SGCZ: variants seen among roughly 807,000 people sequenced by gnomAD.
SGCZ encodes zeta-sarcoglycan.
In SGCZ, 40 loss-of-function variants were observed where a neutral mutation model predicts 41.3. The observed-to-expected ratio is 0.97, with a 90% CI of 0.75 to 1.26. SGCZ has a LOEUF of 1.26. Ranked by LOEUF, SGCZ falls within the 50% of genes most tolerant of loss-of-function variation. SGCZ has a pLI of 0.00. For missense variants in SGCZ, 552 were observed against 369.8 expected (o/e 1.49, Z -4.04); for synonymous variants, 206 against 137.5 (o/e 1.50, Z -3.49).
At chr8:15,153,162 G>T (rs573187541) in intron 1 of SGCZ, among the ~76,000 whole-genome samples, 75 of 152,272 alleles carry the variant, frequency 4.9e-4, no homozygotes, top group Non-Finnish European at 9.0e-4. Flanking sequence ...ATGTACAGGA[G>T]ATAAATGAAT....
chr8:14,321,420 C>A (rs185178493), intron 3 of SGCZ, among the ~76,000 whole-genome samples: 28 of 152,024 alleles, frequency 1.8e-4, no homozygotes, highest in African/African-American at 6.7e-4. Context: ...TAAAGTTGGC[C>A]CAGCCCATAG....
Position 14,554,917 on chromosome 8 carries a change from C to G in SGCZ, c.49G>C (p.Glu17Gln). 6.5e-7 allele frequency: 1 copy of G among 1,543,496 alleles called. No homozygotes were observed. Among genetic ancestry groups the G allele is most frequent in the Non-Finnish European group, 8.8e-7 (1 of 1,142,796 alleles). Residue 17 changes from glutamate to glutamine, a missense_variant, in exon 2 of 8, where the codon GAA becomes CAA. Coordinates refer to ENST00000382080, the MANE Select transcript of SGCZ (RefSeq NM_139167.4). ...LDIEELKMTR[E>Q]QYILATQQNN... ...TGTTGGGTTGCTAGTATGTATTGTT[C>G]TCGTGTCATCTGAAAAAGAAAAAAG... is the stretch of plus-strand genomic sequence containing the variant.
chr8:14,605,476 G>A (rs1230100891), intron 1 of SGCZ, among the ~76,000 whole-genome samples: 1 of 151,962 alleles, frequency 6.6e-6, no homozygotes, highest in East Asian at 1.9e-4. Context: ...TAGCCACCCT[G>A]TTATGCTATC....
At chr8:14,384,555 C>CTTTA (rs140187937) in intron 2 of SGCZ, among the ~76,000 whole-genome samples, 3 of 151,954 alleles carry the variant, frequency 2.0e-5, no homozygotes, top group East Asian at 1.9e-4. Flanking sequence ...ATTATGATTA[C>CTTTA]TTTATTTATT....
intron 1 of SGCZ, among the ~76,000 whole-genome samples, chr8:14,886,031 ATAT>A (rs1563339254): frequency 7.6e-5 from 8 of 105,190 alleles, no homozygotes; most frequent in African/African-American, 1.8e-4. Flanking sequence ...ATATATATAT[ATAT>A]AAAATTGTAT....
At chr8:15,155,283 A>C (rs1264484882) in intron 1 of SGCZ, among the ~76,000 whole-genome samples, 1 of 152,172 alleles carries the variant, frequency 6.6e-6, no homozygotes, top group South Asian at 2.1e-4. Context: ...TGACAGACCC[A>C]GACCCTGTCT....
intron 2 of SGCZ, among the ~76,000 whole-genome samples, chr8:14,515,882 G>C (rs1365140471): frequency 2.0e-5 from 3 of 151,966 alleles, no homozygotes; most frequent in Admixed American, 6.6e-5. Flanking sequence ...GAATGATTTT[G>C]AGTATATTTC....
intron 1 of SGCZ, among the ~76,000 whole-genome samples, chr8:14,781,233 C>T (rs1158358189): frequency 6.6e-6 from 1 of 152,066 alleles, no homozygotes; most frequent in African/African-American, 2.4e-5. Flanking sequence ...AATATAATTA[C>T]TGTTTTTTTC....
At chr8:14,304,673 C>T (rs536625567) in intron 3 of SGCZ, among the ~76,000 whole-genome samples, 2 of 152,068 alleles carry the variant, frequency 1.3e-5, no homozygotes, top group Non-Finnish European at 2.9e-5. Flanking sequence ...CATGCCATAG[C>T]TATGGTAATG....
At chr8:14,462,881 G>C (rs1332022425) in intron 2 of SGCZ, among the ~76,000 whole-genome samples, 1 of 137,064 alleles carries the variant, frequency 7.3e-6, no homozygotes, top group East Asian at 2.0e-4. Flanking sequence ...ATTTTTTTTT[G>C]AGTTTTCTTT....
At chr8:14,406,964 G>A (rs1374482240) in intron 2 of SGCZ, among the ~76,000 whole-genome samples, 1 of 151,824 alleles carries the variant, frequency 6.6e-6, no homozygotes, top group East Asian at 1.9e-4. Context: ...TTTCACGGGT[G>A]AAGCCAAGAA....
intron 2 of SGCZ, among the ~76,000 whole-genome samples, chr8:14,369,314 A>G (rs889063289): frequency 6.6e-6 from 1 of 151,964 alleles, no homozygotes; most frequent in South Asian, 2.1e-4. Context: ...TGTCTTCATG[A>G]CCTTAACATT....
chr8:14,466,032 C>T (rs554836616), intron 2 of SGCZ, among the ~76,000 whole-genome samples: 1 of 151,992 alleles, frequency 6.6e-6, no homozygotes, highest in East Asian at 1.9e-4. Context: ...TTCATAATTG[C>T]TCACAGTTTA....
At chr8:14,653,983 T>C (rs1264236205) in intron 1 of SGCZ, among the ~76,000 whole-genome samples, 1 of 152,128 alleles carries the variant, frequency 6.6e-6, no homozygotes, top group Non-Finnish European at 1.5e-5. Context: ...AAACTTTCAT[T>C]TGCTTGCTCA....
intron 5 of SGCZ, among the ~76,000 whole-genome samples, chr8:14,155,381 T>G (rs1340523556): frequency 6.6e-6 from 1 of 152,166 alleles, no homozygotes; most frequent in African/African-American, 2.4e-5. Context: ...CTTTCACTAG[T>G]TGACTAAGAC....
At chr8:15,093,022 C>T (rs552117265) in intron 1 of SGCZ, among the ~76,000 whole-genome samples, 6 of 152,222 alleles carry the variant, frequency 3.9e-5, no homozygotes, top group East Asian at 3.9e-4. Context: ...CTCCCTAGGG[C>T]GTCATTAGAA....
intron 2 of SGCZ, among the ~76,000 whole-genome samples, chr8:14,443,481 G>A (rs1237347701): frequency 6.6e-6 from 1 of 152,068 alleles, no homozygotes; most frequent in East Asian, 1.9e-4. Flanking sequence ...CAATGGAACA[G>A]AACAGAGCCC....
intron 4 of SGCZ, chr8:14,165,020 C>T (rs931060477): frequency 7.7e-6 from 2 of 260,016 alleles, no homozygotes; most frequent in African/African-American, 4.5e-5. Context: ...CAGGCTGAAA[C>T]CTTGGCATCA....
At chr8:14,676,394 C>T (rs970292653) in intron 1 of SGCZ, among the ~76,000 whole-genome samples, 13 of 148,946 alleles carry the variant, frequency 8.7e-5, no homozygotes, top group Admixed American at 8.1e-4. Context: ...TGGCATATGC[C>T]TGTAGTTCTA....
Sources: allele counts gnomAD v4.1 joint callset (sites outside exome capture counted in the v4.1 genomes callset), GRCh38; gene constraint gnomAD v4.1.1; transcripts MANE v1.5; gene names NCBI Gene and HGNC (gene_info 2026-07-23, HGNC 2026-07-21).